ZHX2: variants seen among roughly 807,000 people sequenced by gnomAD.
ZHX2 encodes the protein zinc fingers and homeoboxes 2, also known as zinc fingers and homeoboxes protein 2.
Under a neutral mutation model 21.9 loss-of-function variants are expected in ZHX2, and 6 were observed. That is an observed-to-expected ratio of 0.27 (90% CI 0.15 to 0.54). ZHX2 has a LOEUF of 0.54. ZHX2 is among the 20% of genes least tolerant of loss of function. The probability of loss-of-function intolerance (pLI) is 0.95; values close to 1 mark genes in which losing one functional copy is unlikely to be tolerated. For missense variants in ZHX2, 908 were observed against 1,090.7 expected (o/e 0.83, Z 2.36); for synonymous variants, 434 against 437.1 (o/e 0.99, Z 0.09).
At chr8:122,934,978 G>A (rs1022469499) in intron 2 of ZHX2, among the ~76,000 whole-genome samples, 3 of 152,134 alleles carry the variant, frequency 2.0e-5, no homozygotes, top group Admixed American at 6.5e-5. Flanking sequence ...GTGAGCCACC[G>A]GCCCAGCCTC....
chr8:122,887,049 C>CTGTGTGTG (rs1313705680), intron 2 of ZHX2, among the ~76,000 whole-genome samples: 12 of 110,530 alleles, frequency 1.1e-4, no homozygotes, highest in Middle Eastern at 8.9e-3. Flanking sequence ...TGCTCTGCCA[C>CTGTGTGTG]CGTGTGTGTG....
intron 2 of ZHX2, among the ~76,000 whole-genome samples, chr8:122,941,913 G>C (rs904105262): frequency 1.3e-5 from 2 of 152,204 alleles, no homozygotes; most frequent in African/African-American, 4.8e-5. Context: ...CACTCCAGGT[G>C]ACGTGTGATG....
At chr8:122,852,058 G>A (rs954809301) in intron 1 of ZHX2, among the ~76,000 whole-genome samples, 4 of 152,084 alleles carry the variant, frequency 2.6e-5, no homozygotes, top group African/African-American at 7.2e-5. Context: ...TGGATGATAC[G>A]ACTTGAGGTG....
At chr8:122,854,070 C>T (rs942807805) in intron 1 of ZHX2, among the ~76,000 whole-genome samples, 1 of 152,160 alleles carries the variant, frequency 6.6e-6, no homozygotes, top group African/African-American at 2.4e-5. Flanking sequence ...GCCTCCCGGG[C>T]CCCTGAGGAC....
intron 1 of ZHX2, among the ~76,000 whole-genome samples, chr8:122,792,386 G>A (rs535649350): frequency 2.6e-5 from 4 of 152,200 alleles, no homozygotes; most frequent in African/African-American, 9.6e-5. Flanking sequence ...ATAGACAATC[G>A]GGTTGTTTCT....
chr8:122,825,421 T>G (rs1818242788), intron 1 of ZHX2, among the ~76,000 whole-genome samples: 1 of 152,164 alleles, frequency 6.6e-6, no homozygotes, highest in African/African-American at 2.4e-5. Context: ...TGTGGGTTGT[T>G]CTGGCTGCCT....
intron 2 of ZHX2, among the ~76,000 whole-genome samples, chr8:122,892,658 T>G (rs1172718816): frequency 6.6e-6 from 1 of 152,180 alleles, no homozygotes; most frequent in Non-Finnish European, 1.5e-5. Flanking sequence ...GATATAGGAC[T>G]CCATTAAGCA....
rs115535242 is a variant in ZHX2, at chr8:122,811,465, T to C, written c.-283+29519T>C. Among the ~76,000 whole-genome samples, 738 of 152,352 alleles carry C rather than the reference T, an allele frequency of 4.8e-3. 5 individuals carry two copies. The highest frequency in any genetic ancestry group is 0.017 in the African/African-American group (715 of 41,580). On this transcript the variant is annotated intron_variant, in intron 1 of 3. Transcript: ENST00000314393. ...ATATGATGCAGGTTCACTGGCTTTA[T>C]GGTCTTTCTAATGCTCCCTGCCCTG...
chr8:122,965,031 CTGT>C (rs1813546602), intron 3 of ZHX2, among the ~76,000 whole-genome samples: 10 of 111,512 alleles, frequency 9.0e-5, no homozygotes, highest in Admixed American at 8.8e-5. Context: ...CTTCTCTCTT[CTGT>C]TTTTTTTTTT....
intron 1 of ZHX2, among the ~76,000 whole-genome samples, chr8:122,812,883 T>A (rs1168018012): frequency 6.6e-6 from 1 of 152,122 alleles, no homozygotes; most frequent in Non-Finnish European, 1.5e-5. Context: ...GTTTAAGTAT[T>A]CTTTACCACT....
At chr8:122,844,135 G>A (rs1435023928) in intron 1 of ZHX2, among the ~76,000 whole-genome samples, 1 of 152,136 alleles carries the variant, frequency 6.6e-6, no homozygotes, top group Non-Finnish European at 1.5e-5. Context: ...CCAGGAGGCG[G>A]GAAGGAAAAA....
intron 2 of ZHX2, among the ~76,000 whole-genome samples, chr8:122,911,894 G>A (rs967195366): frequency 6.6e-6 from 1 of 152,140 alleles, no homozygotes; most frequent in African/African-American, 2.4e-5. Context: ...GGGCTGGAGG[G>A]TGGGAGTGAG....
intron 2 of ZHX2, among the ~76,000 whole-genome samples, chr8:122,883,830 A>G (rs1586358517): frequency 6.6e-6 from 1 of 152,360 alleles, no homozygotes; most frequent in East Asian, 1.9e-4. Flanking sequence ...TTGTAACACC[A>G]GGTGTGGACG....
chr8:122,958,994 G>A (rs571249264), intron 3 of ZHX2, among the ~76,000 whole-genome samples: 1 of 152,258 alleles, frequency 6.6e-6, no homozygotes, highest in Admixed American at 6.5e-5. Context: ...GCTAGGAGGG[G>A]GAGAGGTGGC....
chr8:122,805,027 C>A (rs550182734), intron 1 of ZHX2, among the ~76,000 whole-genome samples: 1 of 152,314 alleles, frequency 6.6e-6, no homozygotes, highest in East Asian at 1.9e-4. Context: ...TCTGAAGTCC[C>A]TTCATCTAAA....
At chr8:122,819,887 C>A (rs1486848065) in intron 1 of ZHX2, among the ~76,000 whole-genome samples, 2 of 152,192 alleles carry the variant, frequency 1.3e-5, no homozygotes, top group African/African-American at 4.8e-5. Flanking sequence ...TGAGAGCCTG[C>A]AGAAAATATC....
chr8:122,909,732 C>T (rs1411279784), intron 2 of ZHX2, among the ~76,000 whole-genome samples: 1 of 152,174 alleles, frequency 6.6e-6, no homozygotes, highest in Non-Finnish European at 1.5e-5. Flanking sequence ...ATCTTCTGCA[C>T]TCCATCCCCA....
At chr8:122,919,914 C>G (rs1820697300) in intron 2 of ZHX2, among the ~76,000 whole-genome samples, 1 of 152,136 alleles carries the variant, frequency 6.6e-6, no homozygotes, top group South Asian at 2.1e-4. Flanking sequence ...TGGGTAATTC[C>G]TACACCCATA....
At chr8:122,945,187 C>T (rs895690332) in intron 2 of ZHX2, among the ~76,000 whole-genome samples, 4 of 152,140 alleles carry the variant, frequency 2.6e-5, no homozygotes, top group Non-Finnish European at 4.4e-5. Context: ...GTACCAGCTA[C>T]GAACTCCTTG....
Sources: allele counts gnomAD v4.1 joint callset (sites outside exome capture counted in the v4.1 genomes callset), GRCh38; gene constraint gnomAD v4.1.1; transcripts MANE v1.5; gene names NCBI Gene and HGNC (gene_info 2026-07-23, HGNC 2026-07-21).